Variants in FAM83D observed in about 807,000 individuals in gnomAD.
FAM83D encodes scaffolding CK1 anchoring protein D.
In FAM83D, 26 loss-of-function variants were observed where a neutral mutation model predicts 25.4. The ratio of observed to expected loss-of-function variants is 1.02; its 90% CI spans 0.75 to 1.42. The LOEUF is 1.42. FAM83D is among the 40% of genes most tolerant of loss of function. FAM83D has a pLI of 0.00. For missense variants in FAM83D, 740 were observed against 758.1 expected (o/e 0.98, Z 0.28); for synonymous variants, 310 against 318.5 (o/e 0.97, Z 0.28).
At chr20:38,947,034 C>G (rs2085731338) in intron 2 of FAM83D, among the ~76,000 whole-genome samples, 1 of 152,096 alleles carries the variant, frequency 6.6e-6, no homozygotes, top group African/African-American at 2.4e-5. Context: ...AGTAGGGGCT[C>G]TCTATGTTTA....
At chr20:38,942,340 C>T (rs1315033207) in intron 2 of FAM83D, among the ~76,000 whole-genome samples, 1 of 151,970 alleles carries the variant, frequency 6.6e-6, no homozygotes, top group East Asian at 1.9e-4. Flanking sequence ...ATATGGGCCC[C>T]CACAAAAATT....
chr20:38,935,029 A>G (rs1234960270), intron 1 of FAM83D, among the ~76,000 whole-genome samples: 5 of 152,224 alleles, frequency 3.3e-5, no homozygotes, highest in Non-Finnish European at 5.9e-5. Context: ...ATGTTTATAT[A>G]AAACAAATAT....
At chr20:38,942,597 T>G (rs1009105056) in intron 2 of FAM83D, among the ~76,000 whole-genome samples, 2 of 152,146 alleles carry the variant, frequency 1.3e-5, no homozygotes, top group African/African-American at 4.8e-5. Flanking sequence ...AATAGGGAAA[T>G]CTATAGAGAC....
At chr20:38,947,388 G>A (rs552995409) in intron 2 of FAM83D, among the ~76,000 whole-genome samples, 1 of 152,346 alleles carries the variant, frequency 6.6e-6, no homozygotes, top group South Asian at 2.1e-4. Flanking sequence ...CCATTATGGT[G>A]TTGAGGGTGA....
At chr20:38,930,262 T>C (rs1379537711) in intron 1 of FAM83D, among the ~76,000 whole-genome samples, 1 of 152,220 alleles carries the variant, frequency 6.6e-6, no homozygotes, top group Non-Finnish European at 1.5e-5. Context: ...GTGATATGAT[T>C]GAGCACTTTG....
intron 2 of FAM83D, among the ~76,000 whole-genome samples, chr20:38,947,380 A>G (rs1291583136): frequency 1.3e-5 from 2 of 152,174 alleles, no homozygotes; most frequent in African/African-American, 4.8e-5. Flanking sequence ...CTCCATACCC[A>G]TTATGGTGTT....
intron 1 of FAM83D, among the ~76,000 whole-genome samples, chr20:38,933,397 T>G (rs1330405335): frequency 6.6e-6 from 1 of 152,232 alleles, no homozygotes; most frequent in African/African-American, 2.4e-5. Context: ...TAAAAATTAT[T>G]AAGATGGCAA....
chr20:38,944,151 G>C (rs1383341404), intron 2 of FAM83D, among the ~76,000 whole-genome samples: 1 of 152,190 alleles, frequency 6.6e-6, no homozygotes, highest in African/African-American at 2.4e-5. Flanking sequence ...ATATAAAGCA[G>C]TCAGCAAAAC....
chr20:38,931,620 T>A (rs2085659118), intron 1 of FAM83D, among the ~76,000 whole-genome samples: 1 of 152,250 alleles, frequency 6.6e-6, no homozygotes, highest in Non-Finnish European at 1.5e-5. Flanking sequence ...AGGACCACCC[T>A]GCATCTTCAG....
intron 1 of FAM83D, among the ~76,000 whole-genome samples, chr20:38,929,614 TAAA>T (rs769568783): frequency 7.4e-6 from 1 of 134,442 alleles, no homozygotes; most frequent in Non-Finnish European, 1.6e-5. Flanking sequence ...CTCTTTTGTT[TAAA>T]AAAAAAAAAA....
Position 38,926,553 on chromosome 20 carries a change from G to T in FAM83D, c.111G>T (p.Glu37Asp). The T allele has an allele frequency of 6.3e-7, 1 of 1,577,930 alleles. No homozygotes were observed. The change falls in exon 1 of 4, where the codon GAG becomes GAT. Residue 37 changes from glutamate to aspartate, a missense_variant. Around this residue, in one of 3 missense-constraint regions of FAM83D, gnomAD observed 333 missense variants for 298.6 expected, o/e 1.12. Transcript: ENST00000619850. ...GCGAGTCACGGCGCCTGGCTCTGGA[G>T]GAGCTGGTGGCGGGCGGCCCCGAAG... ...LFSESRRLAL[E>D]ELVAGGPEAF...
intron 1 of FAM83D, among the ~76,000 whole-genome samples, chr20:38,928,690 T>C (rs376552630): frequency 6.6e-6 from 1 of 152,302 alleles, no homozygotes; most frequent in African/African-American, 2.4e-5. Context: ...GGGAAACTAT[T>C]AAACTCACGT....
In FAM83D at chr20:38,951,603, G is replaced by A. The variant is rs1372526019; in HGVS notation, c.841G>A (p.Glu281Lys). Residue 281 changes from glutamate (E) to lysine (K), a missense_variant, in exon 4 of 4, where the codon GAA becomes AAA. By Grantham distance (56) the Glu-to-Lys change is moderately conservative (BLOSUM62 1). This residue lies in a region of FAM83D where 375 missense variants were observed against 403.2 expected (regional missense o/e 0.93). Transcript: ENST00000619850. ...GGTAATTCTGTCTGGCCAAGTGGTT[G>A]AACACTTTGATCTGGAGTTCCGAAT... ...NLVILSGQVV[E>K]HFDLEFRILY... The A allele has an allele frequency of 1.9e-6, 3 of 1,614,182 alleles. No homozygotes were observed. The highest frequency in any genetic ancestry group is 2.2e-5 in the South Asian group (2 of 91,080).
At chr20:38,942,592 G>T (rs547007090) in intron 2 of FAM83D, among the ~76,000 whole-genome samples, 2 of 152,314 alleles carry the variant, frequency 1.3e-5, no homozygotes, top group South Asian at 4.1e-4. Context: ...GTCAGAATAG[G>T]GAAATCTATA....
intron 2 of FAM83D, among the ~76,000 whole-genome samples, chr20:38,943,682 T>G (rs1221360951): frequency 1.3e-5 from 2 of 152,160 alleles, no homozygotes; most frequent in Non-Finnish European, 2.9e-5. Flanking sequence ...ACAGAATTTG[T>G]TTTTTTGTTG....
chr20:38,934,665 G>A (rs569120836), intron 1 of FAM83D, among the ~76,000 whole-genome samples: 8 of 152,134 alleles, frequency 5.3e-5, no homozygotes, highest in Non-Finnish European at 1.0e-4. Flanking sequence ...TAGGCCATGC[G>A]TTGCAACACT....
chr20:38,945,761 C>G (rs1471013281), intron 2 of FAM83D, among the ~76,000 whole-genome samples: 2 of 138,132 alleles, frequency 1.4e-5, no homozygotes, highest in East Asian at 2.2e-4. Flanking sequence ...CCCCACCCCC[C>G]GTTTTTTTTT....
chr20:38,943,001 T>C (rs2085709546), intron 2 of FAM83D, among the ~76,000 whole-genome samples: 1 of 150,118 alleles, frequency 6.7e-6, no homozygotes, highest in Non-Finnish European at 1.5e-5. Context: ...GAGCCCCCAC[T>C]CTGTCTTTGG....
At chr20:38,933,136 T>C (rs1203731552) in intron 1 of FAM83D, among the ~76,000 whole-genome samples, 1 of 152,218 alleles carries the variant, frequency 6.6e-6, no homozygotes, top group African/African-American at 2.4e-5. Context: ...ACCTTTTGGG[T>C]TGGATAATTC....
Sources: allele counts gnomAD v4.1 joint callset (sites outside exome capture counted in the v4.1 genomes callset), GRCh38; gene constraint gnomAD v4.1.1; regional missense constraint gnomAD v4.1.1; transcripts MANE v1.5; gene names NCBI Gene and HGNC (gene_info 2026-07-23, HGNC 2026-07-21).